Variants in PCDHA3 observed in about 807,000 individuals in gnomAD.
PCDHA3 encodes the protein protocadherin alpha-3.
Under a neutral mutation model 62.2 loss-of-function variants are expected in PCDHA3, and 41 were observed. The ratio of observed to expected loss-of-function variants is 0.66; its 90% CI spans 0.51 to 0.86. PCDHA3 has a LOEUF of 0.86. PCDHA3 is among the 40% of genes least tolerant of loss of function. PCDHA3 has a pLI of 0.00. For missense variants in PCDHA3, 1,304 were observed against 1,241.2 expected, an observed-to-expected ratio of 1.05 and a Z score of -0.76; for synonymous variants, 640 against 555.4, an observed-to-expected ratio of 1.15 and a Z score of -2.14.
rs2054518116 is a variant in PCDHA3, at chr5:140,873,832, T to G, written c.2394+70241T>G. Among the ~76,000 whole-genome samples, 4 of 152,260 alleles carry G rather than the reference T, an allele frequency of 2.6e-5. No homozygotes were observed. In the South Asian group the frequency reaches 8.3e-4, roughly 32 times the overall value. On this transcript the variant is annotated intron_variant, in intron 1 of 3. Transcript: ENST00000522353. ...TGCACCACCACTCCTGGCTAATTTT[T>G]GTATTTTTAGTAGAGATGGGTTTTC...
At chr5:140,842,161 T>C in intron 1 of PCDHA3, 1 of 1,613,884 alleles carries the variant, frequency 6.2e-7, no homozygotes. Flanking sequence ...TTTCATATTC[T>C]TTTAATAGCC....
At chr5:140,838,615 T>G (rs1554137122) in intron 1 of PCDHA3, among the ~76,000 whole-genome samples, 2 of 152,036 alleles carry the variant, frequency 1.3e-5, no homozygotes, top group African/African-American at 4.8e-5. Flanking sequence ...TTTTAAAAAT[T>G]TTTTACAAAT....
At chr5:140,850,217 C>A (rs2150473800) in intron 1 of PCDHA3, 2 of 1,593,480 alleles carry the variant, frequency 1.3e-6, no homozygotes, top group African/African-American at 1.3e-5. Context: ...GGGGCACTGA[C>A]GGCGCAGTGA....
intron 3 of PCDHA3, among the ~76,000 whole-genome samples, chr5:141,002,678 C>T (rs1361402849): frequency 6.6e-6 from 1 of 152,136 alleles, no homozygotes; most frequent in Non-Finnish European, 1.5e-5. Context: ...AAAACCTATA[C>T]GACGTGCAGA....
chr5:140,840,466 GA>G (rs1437406767), intron 1 of PCDHA3, among the ~76,000 whole-genome samples: 3 of 151,870 alleles, frequency 2.0e-5, no homozygotes, highest in Non-Finnish European at 2.9e-5. Context: ...AAAAGTTGGG[GA>G]AAAAAGTTTA....
chr5:140,850,367 G>T, intron 1 of PCDHA3: 3 of 1,597,916 alleles, frequency 1.9e-6, no homozygotes, highest in Non-Finnish European at 8.6e-7. Context: ...CGTTCCGCGT[G>T]GGGCTGTACA....
At position 140,801,896 on chromosome 5, in the gene PCDHA3, A is replaced by G. The variant is rs1762807272; in HGVS notation, c.699A>G (p.Leu233=). The change falls in exon 1 of 4, where the codon TTA becomes TTG. Residue 233 remains leucine (L), a synonymous_variant. Coordinates refer to ENST00000522353, the MANE Select transcript of PCDHA3 (RefSeq NM_018906.3). Reference sequence around the variant, plus strand: ...CGACTCAACTAAAGATCACTGTTTTAGATGTAAACGACAACGCCCCAGCGT... The same window carrying G: ...CGACTCAACTAAAGATCACTGTTTTGGATGTAAACGACAACGCCCCAGCGT... ...TGTTQLKITV[L]DVNDNAPAFE... 3.7e-6 allele frequency: 6 copies of G among 1,614,214 alleles called. No individual in the cohort carries two copies. In the East Asian group the frequency reaches 1.3e-4, roughly 36 times the overall value.
At chr5:140,857,325 C>G (rs200630375) in intron 1 of PCDHA3, 2 of 1,598,630 alleles carry the variant, frequency 1.3e-6, no homozygotes, top group African/African-American at 1.3e-5. Flanking sequence ...GTGGTGACCG[C>G]GCGGGACGGG....
chr5:140,917,491 C>G (rs2078223929), intron 1 of PCDHA3, among the ~76,000 whole-genome samples: 1 of 152,172 alleles, frequency 6.6e-6, no homozygotes, highest in Non-Finnish European at 1.5e-5. Flanking sequence ...GGGCCTATGC[C>G]CAGAATGATA....
chr5:140,882,580 C>G (rs371338305), intron 1 of PCDHA3: 3 of 1,614,244 alleles, frequency 1.9e-6, no homozygotes, highest in East Asian at 4.5e-5. Flanking sequence ...AGTGCAGCAT[C>G]CACCTGGAGG....
rs2149956675 is a variant in PCDHA3, at chr5:140,802,125, T to A, written c.928T>A (p.Phe310Ile). 6.2e-7 allele frequency: 1 copy of A among 1,614,178 alleles called. No homozygotes were observed. The highest frequency in any genetic ancestry group is 2.2e-5 in the East Asian group (1 of 44,894). Residue 310 changes from phenylalanine to isoleucine, a missense_variant, in exon 1 of 4, where the codon TTC (phenylalanine) becomes ATC (isoleucine). Coordinates refer to ENST00000522353, the MANE Select transcript of PCDHA3 (RefSeq NM_018906.3). Reference protein sequence around the residue: ...GQISVKGNIDFEESKSYEIQV... With the variant: ...GQISVKGNIDIEESKSYEIQV... Reference sequence around the variant, plus strand: ...AATCAGTGTAAAGGGTAACATAGATTTCGAGGAAAGTAAGTCATATGAAAT... The same window carrying A: ...AATCAGTGTAAAGGGTAACATAGATATCGAGGAAAGTAAGTCATATGAAAT...
At chr5:140,891,330 T>G (rs995602420) in intron 1 of PCDHA3, among the ~76,000 whole-genome samples, 14 of 152,108 alleles carry the variant, frequency 9.2e-5, no homozygotes, top group Non-Finnish European at 1.9e-4. Flanking sequence ...TGGTGGTGAT[T>G]TGTGAGATTT....
chr5:140,938,807 A>G (rs1253557528), intron 1 of PCDHA3, among the ~76,000 whole-genome samples: 1 of 152,020 alleles, frequency 6.6e-6, no homozygotes, highest in Non-Finnish European at 1.5e-5. Context: ...GGTACCACAA[A>G]CCCCTGTGAC....
chr5:140,809,146 C>T, intron 1 of PCDHA3: 1 of 1,613,986 alleles, frequency 6.2e-7, no homozygotes, highest in Non-Finnish European at 8.5e-7. Flanking sequence ...TGGTGAAGGA[C>T]CACGGCGAGC....
At chr5:140,928,137 C>T (rs537220203) in intron 1 of PCDHA3, 14 of 1,614,066 alleles carry the variant, frequency 8.7e-6, no homozygotes, top group Admixed American at 1.7e-5. Flanking sequence ...AAGTCCTGAT[C>T]ACGGCCTCAG....
intron 1 of PCDHA3, among the ~76,000 whole-genome samples, chr5:140,926,054 T>A (rs1018660828): frequency 6.6e-6 from 1 of 152,182 alleles, no homozygotes; most frequent in African/African-American, 2.4e-5. Flanking sequence ...CCCAACCTTC[T>A]TCCCCTCCTT....
chr5:140,884,737 T>C (rs1554181872), intron 1 of PCDHA3: 1 of 1,443,634 alleles, frequency 6.9e-7, no homozygotes, highest in Non-Finnish European at 9.1e-7. Context: ...AAGACATCTT[T>C]CCTGCCAATT....
At chr5:140,812,312 C>T (rs1765081037) in intron 1 of PCDHA3, 1 of 151,832 alleles carries the variant, frequency 6.6e-6, no homozygotes, top group Admixed American at 6.6e-5. Flanking sequence ...TTTTAAAAGC[C>T]TCTTATAATT....
At chr5:140,857,993 C>G (rs782150278) in intron 1 of PCDHA3, 1 of 1,597,064 alleles carries the variant, frequency 6.3e-7, no homozygotes. Flanking sequence ...CCTACTGGTG[C>G]TGGTGAAGGA....
Sources: gnomAD v4.1 joint callset for allele counts (sites outside exome capture counted in the v4.1 genomes callset) on GRCh38, gnomAD v4.1.1 for gene constraint, MANE v1.5 for transcripts, NCBI Gene and HGNC (gene_info 2026-07-23, HGNC 2026-07-21) for gene names.